NAV3: variants seen among roughly 807,000 people sequenced by gnomAD.
NAV3 encodes pore membrane and/or filament interacting like protein 1.
Under a neutral mutation model 244.7 loss-of-function variants are expected in NAV3, and 87 were observed. The ratio of observed to expected loss-of-function variants is 0.36; its 90% CI spans 0.30 to 0.42. The LOEUF (loss-of-function observed/expected upper bound fraction) is 0.42. Ranked by LOEUF, NAV3 falls within the 20% of genes least tolerant of loss-of-function variation. The probability of loss-of-function intolerance (pLI) is 1.00; values close to 1 mark genes in which losing one functional copy is unlikely to be tolerated. For missense variants in NAV3, 2,663 were observed against 2,893.3 expected (o/e 0.92, Z 1.83); for synonymous variants, 1,126 against 1,042.2 (o/e 1.08, Z -1.55).
intron 2 of NAV3, among the ~76,000 whole-genome samples, chr12:77,754,191 G>A (rs1307444704): frequency 2.0e-5 from 3 of 151,904 alleles, no homozygotes; most frequent in Non-Finnish European, 4.4e-5. Flanking sequence ...TTAGAGCTCC[G>A]ATTTTGGCCA....
At chr12:77,752,105 T>G (rs1868885562) in intron 2 of NAV3, among the ~76,000 whole-genome samples, 1 of 152,196 alleles carries the variant, frequency 6.6e-6, no homozygotes, top group Non-Finnish European at 1.5e-5. Context: ...CTTTTCTGTG[T>G]GCCAATTGTG....
intron 8 of NAV3, among the ~76,000 whole-genome samples, chr12:78,019,531 T>C (rs1180784762): frequency 6.6e-6 from 1 of 152,112 alleles, no homozygotes; most frequent in Non-Finnish European, 1.5e-5. Context: ...AAGTATGAAG[T>C]GCTTATAATT....
At chr12:77,935,576 A>G (rs917306200) in intron 1 of NAV3, among the ~76,000 whole-genome samples, 1 of 152,216 alleles carries the variant, frequency 6.6e-6, no homozygotes, top group Non-Finnish European at 1.5e-5. Context: ...TACTAATAAC[A>G]ATATTTAACA....
chr12:78,014,608 G>A (rs1018711384), intron 8 of NAV3, among the ~76,000 whole-genome samples: 1 of 152,070 alleles, frequency 6.6e-6, no homozygotes, highest in Non-Finnish European at 1.5e-5. Flanking sequence ...TGCCTAGGAT[G>A]TGACAGGGAA....
At chr12:77,822,143 A>G (rs1227874517) in intron 2 of NAV3, among the ~76,000 whole-genome samples, 1 of 152,164 alleles carries the variant, frequency 6.6e-6, no homozygotes, top group Non-Finnish European at 1.5e-5. Context: ...TGAATTTGAT[A>G]AATTTTATTT....
At chr12:78,189,605 A>C (rs1958884502) in intron 33 of NAV3, among the ~76,000 whole-genome samples, 1 of 151,374 alleles carries the variant, frequency 6.6e-6, no homozygotes, top group Non-Finnish European at 1.5e-5. Context: ...CTTCACATTT[A>C]TTCTTCACAT....
intron 30 of NAV3, among the ~76,000 whole-genome samples, chr12:78,181,620 T>C (rs1158310739): frequency 6.6e-6 from 1 of 152,062 alleles, no homozygotes; most frequent in Non-Finnish European, 1.5e-5. Context: ...TCATGAACCA[T>C]TCAAGCATAA....
chr12:78,196,305 G>A (rs1267780563), intron 34 of NAV3, among the ~76,000 whole-genome samples: 1 of 151,692 alleles, frequency 6.6e-6, no homozygotes, highest in East Asian at 1.9e-4. Flanking sequence ...CAAAATCCTG[G>A]CCCGTTGTTT....
intron 2 of NAV3, among the ~76,000 whole-genome samples, chr12:77,739,314 C>T (rs1868285891): frequency 6.6e-6 from 1 of 152,050 alleles, no homozygotes; most frequent in South Asian, 2.1e-4. Context: ...TGTATCAATG[C>T]TTTAAAAAAG....
intron 2 of NAV3, among the ~76,000 whole-genome samples, chr12:77,742,324 A>G (rs1444527547): frequency 3.3e-5 from 5 of 152,026 alleles, no homozygotes; most frequent in Non-Finnish European, 7.4e-5. Flanking sequence ...ATCCCAGCAT[A>G]TTGTCTTTGC....
upstream of NAV3, among the ~76,000 whole-genome samples, chr12:77,830,522 A>G (rs1873495156): frequency 6.6e-6 from 1 of 152,230 alleles, no homozygotes; most frequent in Non-Finnish European, 1.5e-5. Flanking sequence ...TGTTTTTATA[A>G]TCATGACTTA....
intron 2 of NAV3, among the ~76,000 whole-genome samples, chr12:77,793,695 T>G (rs1235758007): frequency 6.6e-6 from 1 of 152,250 alleles, no homozygotes. Context: ...AGTGTATATG[T>G]GCCACATTTT....
intron 2 of NAV3, among the ~76,000 whole-genome samples, chr12:77,666,588 C>G (rs550327067): frequency 6.6e-6 from 1 of 152,266 alleles, no homozygotes; most frequent in Non-Finnish European, 1.5e-5. Flanking sequence ...TTGGCTTGTG[C>G]TAAGTAAGTC....
chr12:77,655,674 A>G (rs920671553), intron 2 of NAV3, among the ~76,000 whole-genome samples: 3 of 152,168 alleles, frequency 2.0e-5, no homozygotes, highest in Admixed American at 6.5e-5. Context: ...CAAAGTTGAA[A>G]TGAAGGAAAA....
intron 8 of NAV3, among the ~76,000 whole-genome samples, chr12:78,012,190 T>C (rs191666876): frequency 2.6e-5 from 4 of 152,282 alleles, no homozygotes; most frequent in Admixed American, 2.6e-4. Context: ...AATTTTCAGC[T>C]AGTCTTCCTA....
chr12:77,884,719 A>C (rs1472484483), intron 1 of NAV3, among the ~76,000 whole-genome samples: 2 of 152,128 alleles, frequency 1.3e-5, no homozygotes, highest in Non-Finnish European at 2.9e-5. Flanking sequence ...GTCTCTCCAG[A>C]AACATCTTCT....
intron 12 of NAV3, among the ~76,000 whole-genome samples, chr12:78,110,690 TATA>T (rs762454017): frequency 2.5e-4 from 6 of 23,736 alleles, no homozygotes; most frequent in African/African-American, 8.7e-4. Context: ...TATATATATA[TATA>T]GTGTGTGTGT....
chr12:77,884,125 C>T (rs74930416), intron 1 of NAV3, among the ~76,000 whole-genome samples: 9 of 152,128 alleles, frequency 5.9e-5, no homozygotes, highest in Non-Finnish European at 8.8e-5. Context: ...ATCTTTAGAA[C>T]GGTGCCTAGA....
chr12:78,031,487 C>G (rs1333011325), intron 9 of NAV3, among the ~76,000 whole-genome samples: 1 of 151,906 alleles, frequency 6.6e-6, no homozygotes, highest in African/African-American at 2.4e-5. Context: ...GACTCAATCT[C>G]AGGACTTTTC....
Sources: allele counts gnomAD v4.1 joint callset (sites outside exome capture counted in the v4.1 genomes callset), GRCh38; gene constraint gnomAD v4.1.1; transcripts MANE v1.5; gene names NCBI Gene and HGNC (gene_info 2026-07-23, HGNC 2026-07-21).